The following AP4S1 variants were observed in gnomAD, a reference collection of about 807,000 sequenced individuals.
AP4S1 encodes the protein AP-4 complex subunit sigma-1.
AP4S1 carries 23 observed loss-of-function variants against 19.8 expected under a neutral mutation model. The ratio of observed to expected loss-of-function variants is 1.16; its 90% confidence interval spans 0.84 to 1.65. The LOEUF (loss-of-function observed/expected upper bound fraction) is 1.65. AP4S1 is among the 40% of genes most tolerant of loss of function. The probability of loss-of-function intolerance (pLI) is 0.00; values close to 1 mark genes in which losing one functional copy is unlikely to be tolerated. For synonymous variants in AP4S1, 46 were observed against 54.1 expected, an observed-to-expected ratio of 0.85 and a Z score of 0.66; for missense variants, 166 against 172.8, an observed-to-expected ratio of 0.96 and a Z score of 0.22.
intron 1 of AP4S1, among the ~76,000 whole-genome samples, chr14:31,060,470 C>T (rs1333314815): frequency 1.3e-5 from 2 of 152,192 alleles, no homozygotes; most frequent in Non-Finnish European, 2.9e-5. Context: ...CACTCTCACA[C>T]CTCAGAGGTA....
At chr14:31,055,524 A>G (rs1886058551) in intron 1 of AP4S1, among the ~76,000 whole-genome samples, 1 of 152,156 alleles carries the variant, frequency 6.6e-6, no homozygotes, top group Admixed American at 6.6e-5. Context: ...CTAAAAGATT[A>G]AGTATCTTGT....
chr14:31,030,553 T>C lies in AP4S1; in HGVS notation c.-72+4766T>C, dbSNP rs185410986. On this transcript the variant is annotated intron_variant, in intron 1 of 5. Transcript: ENST00000542754. ...TGTAGAGATGGGAGTCTCACTGTAT[T>C]GCCAGGGTTGATCTCTAACTCCTGG... Among the ~76,000 whole-genome samples, 49 of 152,282 alleles carry C rather than the reference T, an allele frequency of 3.2e-4. No homozygotes were observed. The East Asian group carries it at 9.1e-3, about 28-fold the overall frequency.
intron 1 of AP4S1, among the ~76,000 whole-genome samples, chr14:31,034,609 A>ATTTTTT (rs5807612): frequency 1.9e-5 from 2 of 103,952 alleles, no homozygotes; most frequent in Admixed American, 1.2e-4. Flanking sequence ...TTTGTACTTA[A>ATTTTTT]TTTTTTTTTT....
chr14:31,055,684 A>G (rs1336585461), intron 1 of AP4S1, among the ~76,000 whole-genome samples: 1 of 150,838 alleles, frequency 6.6e-6, no homozygotes, highest in Non-Finnish European at 1.5e-5. Flanking sequence ...ATCACTTTTC[A>G]GGAGGCAAAA....
At chr14:31,039,441 T>TC (rs1404989171) in intron 1 of AP4S1, among the ~76,000 whole-genome samples, 6 of 152,246 alleles carry the variant, frequency 3.9e-5, no homozygotes, top group East Asian at 3.9e-4. Flanking sequence ...CGCCTCGGCC[T>TC]CCCAAAGAGC....
intron 5 of AP4S1, among the ~76,000 whole-genome samples, chr14:31,083,265 C>T (rs1887748395): frequency 6.6e-6 from 1 of 152,012 alleles, no homozygotes; most frequent in Non-Finnish European, 1.5e-5. Context: ...TCATTTTCAC[C>T]CTCTCTTCCC....
chr14:31,066,292 A>C lies in AP4S1; in HGVS notation c.96A>C (p.Glu32Asp), dbSNP rs760144093. The C allele has an allele frequency of 6.2e-7, 1 of 1,613,958 alleles. No homozygotes were observed. The highest frequency in any genetic ancestry group is 8.5e-7 in the Non-Finnish European group (1 of 1,179,888). ...ATATTAATAAGCGTACACTTCTGGAAACAGAAGTCATAAAGAGCTGTCTCT... is the reference window on the plus strand; with the variant it reads ...ATATTAATAAGCGTACACTTCTGGACACAGAAGTCATAAAGAGCTGTCTCT... ...HVDINKRTLL[E>D]TEVIKSCLSR... is the part of the protein sequence containing the mutation. Residue 32 changes from glutamate (E) to aspartate (D), a missense_variant, in exon 2 of 6, where the codon GAA becomes GAC. Physicochemically the swap from Glu to Asp is conservative, Grantham distance 45. Transcript: ENST00000542754.
rs375477666 is a variant in AP4S1 at position 31,089,731 on chromosome 14, A to T, written c.307-3176A>T. ...GGAGTTATAGAGACCAGCCTGGCCAACATGGCAAAACCTCGTCTCTACTAA... is the reference window on the plus strand; with the variant it reads ...GGAGTTATAGAGACCAGCCTGGCCATCATGGCAAAACCTCGTCTCTACTAA... On this transcript the variant is annotated intron_variant, in intron 5 of 5. Coordinates refer to ENST00000542754, the MANE Select transcript of AP4S1 (RefSeq NM_001128126.3). Among the ~76,000 whole-genome samples the T allele has an allele frequency of 1.1e-4, 17 of 152,202 alleles. No individual in the cohort carries two copies. The East Asian group carries it at 1.7e-3, about 16-fold the overall frequency.
chr14:31,083,407 C>A, intron 5 of AP4S1: 1 of 445,340 alleles, frequency 2.2e-6, no homozygotes, highest in South Asian at 1.6e-5. Context: ...TGTCTTTGCT[C>A]CAGGTTTGAT....
intron 5 of AP4S1, among the ~76,000 whole-genome samples, chr14:31,089,025 G>A (rs939604583): frequency 3.1e-4 from 47 of 151,512 alleles, no homozygotes; most frequent in Admixed American, 1.4e-3. Context: ...AGATGGGCGT[G>A]GCAGCGCACC....
chr14:31,061,161 A>T (rs1886416108), intron 1 of AP4S1, among the ~76,000 whole-genome samples: 1 of 151,966 alleles, frequency 6.6e-6, no homozygotes, highest in Non-Finnish European at 1.5e-5. Context: ...GATTACAGGC[A>T]TGAGCTACTG....
At chr14:31,028,675 G>A (rs1269726247) in intron 1 of AP4S1, among the ~76,000 whole-genome samples, 4 of 152,000 alleles carry the variant, frequency 2.6e-5, no homozygotes, top group Non-Finnish European at 5.9e-5. Flanking sequence ...CACTTTGGGA[G>A]GCCGAAGCGG....
intron 2 of AP4S1, among the ~76,000 whole-genome samples, chr14:31,067,254 C>G (rs1434362347): frequency 2.0e-5 from 3 of 150,698 alleles, no homozygotes; most frequent in Non-Finnish European, 4.4e-5. Flanking sequence ...AAAACTGCGT[C>G]CTTTTTTTTT....
rs562551166 is a variant in AP4S1 at position 31,092,186 on chromosome 14, A to G, written c.307-721A>G. Among the ~76,000 whole-genome samples the G allele has an allele frequency of 8.5e-5, 13 of 152,276 alleles. No homozygotes were observed. The South Asian group carries it at 2.7e-3, about 32-fold the overall frequency. On this transcript the variant is annotated intron_variant, in intron 5 of 5. Transcript: ENST00000542754. The stretch of plus-strand genomic sequence containing the variant: ...AGAGATACTGTCTTGAAATCCAGAA[A>G]TTTTATTATGCCCTGCCTTCTTCAT...
chr14:31,087,713 T>C (rs770894679), intron 5 of AP4S1, among the ~76,000 whole-genome samples: 3 of 152,176 alleles, frequency 2.0e-5, no homozygotes, highest in Non-Finnish European at 4.4e-5. Flanking sequence ...CAATTTAGTC[T>C]CTAATAAAAC....
intron 1 of AP4S1, among the ~76,000 whole-genome samples, chr14:31,049,141 T>C (rs1394737639): frequency 2.7e-5 from 4 of 149,882 alleles, no homozygotes; most frequent in African/African-American, 7.4e-5. Context: ...ATGCCGGGCG[T>C]GGTGGCTCAC....
chr14:31,030,296 T>C (rs1310851438), intron 1 of AP4S1, among the ~76,000 whole-genome samples: 3 of 152,200 alleles, frequency 2.0e-5, no homozygotes, highest in Admixed American at 6.5e-5. Context: ...ACACCATCTG[T>C]GTACTGATCA....
chr14:31,049,080 C>A (rs1885583163), intron 1 of AP4S1, among the ~76,000 whole-genome samples: 1 of 151,178 alleles, frequency 6.6e-6, no homozygotes, highest in South Asian at 2.1e-4. Context: ...GAAACCCCAT[C>A]TCTACAAAAA....
At chr14:31,045,722 TG>T in intron 1 of AP4S1, among the ~76,000 whole-genome samples, 1 of 152,332 alleles carries the variant, frequency 6.6e-6, no homozygotes, top group African/African-American at 2.4e-5. Flanking sequence ...CCTTTGTTCC[TG>T]ATTCCTGTGA....
Sources: allele counts gnomAD v4.1 joint callset (sites outside exome capture counted in the v4.1 genomes callset), GRCh38; gene constraint gnomAD v4.1.1; transcripts MANE v1.5; gene names NCBI Gene and HGNC (gene_info 2026-07-23, HGNC 2026-07-21).